MAPK13: variants seen among roughly 807,000 people sequenced by gnomAD.
The protein encoded by MAPK13 is MAP kinase 13.
MAPK13 carries 39 observed loss-of-function variants against 53.5 expected under a neutral mutation model. That is an observed-to-expected ratio of 0.73 (90% CI 0.56 to 0.95). The LOEUF (loss-of-function observed/expected upper bound fraction) is 0.95, where lower values mean the gene tolerates loss of function less well. MAPK13 is among the 40% of genes least tolerant of loss of function. The pLI is 0.00. For missense variants in MAPK13, 460 were observed against 471.8 expected (o/e 0.98, Z 0.23); for synonymous variants, 179 against 190.9 (o/e 0.94, Z 0.51).
At position 36,138,513 on chromosome 6, in the gene MAPK13, A is replaced by C. The variant is rs1766465147; in HGVS notation, c.762+69A>C. 16 of 1,503,206 alleles carry C rather than the reference A, an allele frequency of 1.1e-5. No homozygotes were observed. In the African/African-American group the frequency reaches 1.7e-4, roughly 16 times the overall value. 93.1% of individuals were successfully genotyped at this position (1,503,206 alleles called of 1,614,324 possible). ...GCCTGACGTGGGCCCAGTGGGCTGC[A>C]GGCCTTTGTGGAAGAAGGCTCACCA... On this transcript the variant is annotated intron_variant, in intron 9 of 11. Transcript: ENST00000211287.
intron 11 of MAPK13, 103 bp downstream of exon 11, chr6:36,139,158 C>T: frequency 7.1e-7 from 1 of 1,399,092 alleles, no homozygotes; most frequent in Non-Finnish European, 9.8e-7. Flanking sequence ...CTGCCACCTC[C>T]TTCTTGGTGG....
chr6:36,139,305 AAGG>A lies in MAPK13; in HGVS notation c.1033_1035del (p.Glu345del). 1.9e-6 allele frequency: 3 copies of A among 1,613,796 alleles called. No homozygotes were observed. Among genetic ancestry groups the A allele is most frequent in the Non-Finnish European group, 2.5e-6 (3 of 1,179,888 alleles). On this transcript the variant is annotated inframe_deletion, in exon 12 of 12. Coordinates refer to ENST00000211287, the MANE Select transcript of MAPK13 (RefSeq NM_002754.5). ...GCTGCCTTTCTCAGAGCACATCTAC[AAGG>A]AGATTGTGAACTTCAGCCCCATTGC... is the stretch of plus-strand genomic sequence containing the variant.
chr6:36,132,025 C>T (rs1006637536), intron 2 of MAPK13, among the ~76,000 whole-genome samples: 2 of 152,230 alleles, frequency 1.3e-5, no homozygotes, highest in African/African-American at 4.8e-5. Flanking sequence ...GGCCTGGCAG[C>T]CAGGCTTTGC....
intron 3 of MAPK13, among the ~76,000 whole-genome samples, chr6:36,134,792 T>A (rs1272655361): frequency 6.6e-6 from 1 of 151,954 alleles, no homozygotes; most frequent in Non-Finnish European, 1.5e-5. Context: ...GGCAGGCAGA[T>A]CACCTGAGGT....
At chr6:36,133,199 C>CA (rs1362289579) in intron 3 of MAPK13, among the ~76,000 whole-genome samples, 1 of 152,206 alleles carries the variant, frequency 6.6e-6, no homozygotes, top group Non-Finnish European at 1.5e-5. Context: ...ATGGAGAAGT[C>CA]AGTGTGGCAC....
chr6:36,135,633 T>G, intron 3 of MAPK13, 120 bp from the exon 4 acceptor site: 4 of 620,082 alleles, frequency 6.5e-6, no homozygotes, highest in South Asian at 2.2e-5. Context: ...TGGAGTTGAG[T>G]TTTTGCACAC....
In MAPK13 at chr6:36,139,419, C is replaced by G. The variant is rs1464061313; in HGVS notation, c.*46C>G. The G allele has an allele frequency of 6.6e-7, 1 of 1,503,844 alleles. No homozygotes were observed. Among genetic ancestry groups the G allele is most frequent in the East Asian group, 2.3e-5 (1 of 44,226 alleles). The allele number at this position is 1,503,844 out of a possible 1,614,324, so 93.2% of individuals were successfully genotyped here. ...CGCCGGCCAGACACTGCCCAAGGACCAGTATTTGTCACTACCAAACTCAGC... is the reference window on the plus strand; with the variant it reads ...CGCCGGCCAGACACTGCCCAAGGACGAGTATTTGTCACTACCAAACTCAGC... On this transcript the variant is annotated 3_prime_UTR_variant, in exon 12 of 12. Coordinates refer to ENST00000211287, the MANE Select transcript of MAPK13 (RefSeq NM_002754.5).
chr6:36,136,301 G>C (rs188377776), intron 5 of MAPK13, among the ~76,000 whole-genome samples, 183 bp from the exon 6 acceptor site: 3 of 152,256 alleles, frequency 2.0e-5, no homozygotes, highest in East Asian at 1.9e-4. Flanking sequence ...CAAGAATCAG[G>C]AACATTTTAG....
chr6:36,137,851 C>T (rs776579149), intron 8 of MAPK13, among the ~76,000 whole-genome samples: 5 of 144,054 alleles, frequency 3.5e-5, no homozygotes, highest in Admixed American at 1.4e-4. Context: ...CCCAGCTACT[C>T]GGGAGGCTGA....
Position 36,144,407 on chromosome 6 carries a change from G to A in MAPK13, c.*5034G>A, listed in dbSNP as rs1204746316. 1 of 152,080 alleles carries A rather than the reference G, an allele frequency of 6.6e-6. No individual in the cohort carries two copies. The highest frequency in any genetic ancestry group is 1.5e-5 in the Non-Finnish European group (1 of 68,022). 9.4% of individuals were successfully genotyped at this position (152,080 alleles called of 1,614,324 possible). ...AGATACCTGTGGCAAACTGTAAAGG[G>A]ATATGAAAAACTCTGTAATTTCTAT... is the stretch of plus-strand genomic sequence containing the variant. On this transcript the variant is annotated 3_prime_UTR_variant, in exon 12 of 12. Coordinates refer to ENST00000211287, the MANE Select transcript of MAPK13 (RefSeq NM_002754.5).
At chr6:36,138,314 C>A in intron 8 of MAPK13, 51 bp from the exon 9 acceptor site, 1 of 1,407,714 alleles carries the variant, frequency 7.1e-7, no homozygotes, top group Non-Finnish European at 1.0e-6. Flanking sequence ...GCAGGAAGGG[C>A]AGTCTCAGAC....
At chr6:36,139,222 G>A (rs990281164) in intron 11 of MAPK13, 72 bp from the exon 12 acceptor site, 32 of 1,491,766 alleles carry the variant, frequency 2.1e-5, no homozygotes, top group African/African-American at 8.3e-5. Context: ...TCTCCATGCT[G>A]TCTCTGAAGG....
chr6:36,136,671 C>G lies in MAPK13; in HGVS notation c.511C>G (p.Leu171Val). 1 of 1,613,908 alleles carries G rather than the reference C, an allele frequency of 6.2e-7. No homozygotes were observed. The highest frequency in any genetic ancestry group is 8.5e-7 in the Non-Finnish European group (1 of 1,179,884). Reference sequence around the variant, plus strand: ...TGTGCCATAGATTCTGGATTTTGGGCTGGCGCGACATGCAGACGCCGAGAT... The same window carrying G: ...TGTGCCATAGATTCTGGATTTTGGGGTGGCGCGACATGCAGACGCCGAGAT... ...DCELKILDFG[L>V]ARHADAEMTG... Residue 171 changes from leucine (L) to valine (V), a missense_variant, in exon 7 of 12, where the codon CTG becomes GTG. Coordinates refer to ENST00000211287, the MANE Select transcript of MAPK13 (RefSeq NM_002754.5).
rs886252258 is a variant in MAPK13, at chr6:36,141,337, G to A, written c.*1964G>A. On this transcript the variant is annotated 3_prime_UTR_variant, in exon 12 of 12. Coordinates refer to ENST00000211287, the MANE Select transcript of MAPK13 (RefSeq NM_002754.5). ...GAGGAGAGAGAAGGGGAGGAAGTAG[G>A]TGGGAACCTCTATACTTTCTACCAA... The A allele has an allele frequency of 3.3e-5, 5 of 152,178 alleles. No homozygotes were observed. Among genetic ancestry groups the A allele is most frequent in the Non-Finnish European group, 7.3e-5 (5 of 68,052 alleles). 9.4% of individuals were successfully genotyped at this position (152,178 alleles called of 1,614,324 possible).
rs777782585 is a variant in MAPK13, at chr6:36,130,565, C to G, written c.-18C>G. 2.8e-6 allele frequency: 4 copies of G among 1,404,528 alleles called. No individual in the cohort carries two copies. The highest frequency in any genetic ancestry group is 3.9e-6 in the Non-Finnish European group (4 of 1,025,618). The allele number at this position is 1,404,528 out of a possible 1,614,324, so 87.0% of individuals were successfully genotyped here. On this transcript the variant is annotated 5_prime_UTR_variant, in exon 1 of 12. Transcript: ENST00000211287. The surrounding 1 kb of genome is among the most constrained non-coding windows in gnomAD (Gnocchi z 4.5). The stretch of plus-strand genomic sequence containing the variant: ...AACGCAGCCGCCACGCTGGGGCCGC[C>G]GAGATCGGGTGCCCGGGATGAGCCT...
rs1766549720 is a variant in MAPK13, at chr6:36,142,491, T to TG, written c.*3121dup. 1.3e-5 allele frequency: 2 copies of TG among 152,388 alleles called. No homozygotes were observed. The highest frequency in any genetic ancestry group is 4.8e-5 in the African/African-American group (2 of 41,452). The allele number at this position is 152,388 out of a possible 1,614,324, so 9.4% of individuals were successfully genotyped here. On this transcript the variant is annotated 3_prime_UTR_variant, in exon 12 of 12. Coordinates refer to ENST00000211287, the MANE Select transcript of MAPK13 (RefSeq NM_002754.5). This position sits in a 1 kb window ranked among gnomAD's most constrained non-coding sequence, Gnocchi z 4.4. ...TCCCCCCTGGGCTGCAGGCCCTCTG[T>TG]GGGCAGCATTTAGTGTGTGGTTTGG...
At position 36,130,798 on chromosome 6, in the gene MAPK13, T is replaced by G. The variant is rs368229686; in HGVS notation, c.119+97T>G. The G allele has an allele frequency of 2.1e-5, 13 of 631,158 alleles. No homozygotes were observed. In the African/African-American group the frequency reaches 2.2e-4, roughly 11 times the overall value. 39.1% of individuals were successfully genotyped at this position (631,158 alleles called of 1,614,324 possible). A position where few individuals can be genotyped will look rare whatever the true frequency, so the allele number is the denominator to read the frequency against. ...GGCTGGCCCCTCGCCAGCGCCACCT[T>G]GACCGCGGACCTCAAGGCCCAGCGC... On this transcript the variant is annotated intron_variant, in intron 1 of 11. Transcript: ENST00000211287. This position sits in a 1 kb window ranked among gnomAD's most constrained non-coding sequence, Gnocchi z 4.5.
chr6:36,138,465 AGGCTGGCCTG>A, intron 9 of MAPK13, 21 bp downstream of exon 9: 1 of 1,611,454 alleles, frequency 6.2e-7, no homozygotes, highest in South Asian at 1.1e-5. Flanking sequence ...AATGGGACCT[AGGCTGGCCTG>A]GGCTGTGTGC....
chr6:36,136,774 A>T lies in MAPK13; in HGVS notation c.610+4A>T, dbSNP rs767375764. 4 of 1,613,800 alleles carry T rather than the reference A, an allele frequency of 2.5e-6. No individual in the cohort carries two copies. In the Admixed American group the frequency reaches 6.7e-5, roughly 27 times the overall value. Reference sequence around the variant, plus strand: ...TGGATGCACTACAACCAGACAGGTCAGTGGTCAATGCCTGAGAGGGCGGTC... The same window carrying T: ...TGGATGCACTACAACCAGACAGGTCTGTGGTCAATGCCTGAGAGGGCGGTC... On this transcript the variant is annotated splice_donor_region_variant and intron_variant, in intron 7 of 11. Transcript: ENST00000211287.
Sources: gnomAD v4.1 joint callset for allele counts (sites outside exome capture counted in the v4.1 genomes callset) on GRCh38, gnomAD v4.1.1 for gene constraint, Gnocchi (gnomAD v3.1) non-coding constraint, MANE v1.5 for transcripts, NCBI Gene and HGNC (gene_info 2026-07-23, HGNC 2026-07-21) for gene names.